MPDZ: variants seen among roughly 807,000 people sequenced by gnomAD.
MPDZ encodes the protein multiple PDZ domain crumbs cell polarity complex component, also known as multiple PDZ domain protein.
In MPDZ, 234 loss-of-function variants were observed where a neutral mutation model predicts 239.1. That is an observed-to-expected ratio of 0.98 (90% CI 0.88 to 1.09). The LOEUF (loss-of-function observed/expected upper bound fraction) is 1.09, where lower values mean the gene tolerates loss of function less well. MPDZ is among the 50% of genes least tolerant of loss of function. The pLI is 0.00. For missense variants in MPDZ, 3,175 were observed against 2,510.0 expected, an observed-to-expected ratio of 1.26 and a Z score of -5.66; for synonymous variants, 1,048 against 881.3, an observed-to-expected ratio of 1.19 and a Z score of -3.35.
At chr9:13,257,001 G>A (rs1285795720) in intron 1 of MPDZ, among the ~76,000 whole-genome samples, 3 of 152,140 alleles carry the variant, frequency 2.0e-5, no homozygotes, top group Non-Finnish European at 2.9e-5. Context: ...TCTACTGGGG[G>A]TCTTGGAATG....
In MPDZ at chr9:13,221,243, C is replaced by T. The variant is rs184111528; in HGVS notation, c.876+129G>A. 5.3e-5 allele frequency: 54 copies of T among 1,025,566 alleles called. No individual in the cohort carries two copies. In the African/African-American group the frequency reaches 5.5e-4, roughly 10 times the overall value. The allele number at this position is 1,025,566 out of a possible 1,614,324, so 63.5% of individuals were successfully genotyped here. On this transcript the variant is annotated intron_variant, in intron 7 of 46. Transcript: ENST00000319217. ...AACATTTTAGGGACACTCAATAAAA[C>T]GAAAGATTCTAACTCAATTTCTTTG...
intron 26 of MPDZ, among the ~76,000 whole-genome samples, chr9:13,144,854 C>A (rs1948220471): frequency 6.6e-6 from 1 of 152,032 alleles, no homozygotes; most frequent in Non-Finnish European, 1.5e-5. Flanking sequence ...AATACCAAGG[C>A]ACATGACCAT....
At chr9:13,189,614 C>T (rs559734386) in intron 16 of MPDZ, among the ~76,000 whole-genome samples, 2 of 152,250 alleles carry the variant, frequency 1.3e-5, no homozygotes, top group South Asian at 4.1e-4. Context: ...ATCAGACAGG[C>T]TTTACCATCT....
At chr9:13,182,363 ATC>A (rs1953461495) in intron 19 of MPDZ, among the ~76,000 whole-genome samples, 1 of 152,090 alleles carries the variant, frequency 6.6e-6, no homozygotes. Context: ...ATTTTCATCA[ATC>A]TCTCTTTCCT....
At position 13,125,401 on chromosome 9, in the gene MPDZ, G is replaced by GT. The variant is rs752435715; in HGVS notation, c.4633-12dup. 1.9e-5 allele frequency: 31 copies of GT among 1,610,594 alleles called. No homozygotes were observed. The highest frequency in any genetic ancestry group is 4.0e-5 in the African/African-American group (3 of 74,870). ...CAGAAGGCTAATAAACTGGCAGGGT[G>GT]TATGTGTGGAAGAGAAACAAAATTC... On this transcript the variant is annotated splice_polypyrimidine_tract_variant and intron_variant, in intron 34 of 46. Transcript: ENST00000319217.
At chr9:13,246,981 T>C (rs1390774563) in intron 3 of MPDZ, among the ~76,000 whole-genome samples, 2 of 152,252 alleles carry the variant, frequency 1.3e-5, no homozygotes, top group African/African-American at 4.8e-5. Flanking sequence ...CATTCTGTCA[T>C]TGTGAAATGT....
chr9:13,244,175 A>C (rs2137537335), intron 3 of MPDZ, among the ~76,000 whole-genome samples: 1 of 152,326 alleles, frequency 6.6e-6, no homozygotes, highest in East Asian at 1.9e-4. Flanking sequence ...CAACGCAATT[A>C]ATTAATCAAG....
At chr9:13,129,619 A>G (rs1462366172) in intron 32 of MPDZ, among the ~76,000 whole-genome samples, 1 of 152,218 alleles carries the variant, frequency 6.6e-6, no homozygotes, top group Non-Finnish European at 1.5e-5. Context: ...TATAGTCCTT[A>G]GCAAGAAGAG....
At chr9:13,265,611 A>G (rs16930206) in intron 1 of MPDZ, among the ~76,000 whole-genome samples, 26,476 of 152,206 alleles carry the variant, frequency 0.17, 2,500 homozygotes, top group African/African-American at 0.21. Flanking sequence ...ACTCAAAAGC[A>G]TACCCATGGG....
chr9:13,115,263 T>G lies in MPDZ; in HGVS notation c.5451A>C (p.Pro1817=). 2 of 1,612,618 alleles carry G rather than the reference T, an allele frequency of 1.2e-6. No individual in the cohort carries two copies. The highest frequency in any genetic ancestry group is 1.7e-6 in the Non-Finnish European group (2 of 1,179,772). ...KAGPFHSERR[P]SQSSQVSEGS... is the part of the protein sequence containing the mutation. Reference sequence around the variant, plus strand: ...AGCTACCCACCTGGCTGCTTTGAGATGGCCTCCTCTCTGAATGGAATGGAC... The same window carrying G: ...AGCTACCCACCTGGCTGCTTTGAGAGGGCCTCCTCTCTGAATGGAATGGAC... The change falls in exon 40 of 47, where the codon CCA becomes CCC. Residue 1817 remains proline, a synonymous_variant. Coordinates refer to ENST00000319217, the MANE Select transcript of MPDZ (RefSeq NM_001378778.1).
chr9:13,119,340 C>A (rs1196539905), intron 39 of MPDZ, among the ~76,000 whole-genome samples, 162 bp downstream of exon 39: 1 of 152,172 alleles, frequency 6.6e-6, no homozygotes. Flanking sequence ...CTGCCATGGC[C>A]TCCCAAAATG....
chr9:13,199,092 T>C (rs940887726), intron 12 of MPDZ, among the ~76,000 whole-genome samples: 1 of 151,972 alleles, frequency 6.6e-6, no homozygotes, highest in Admixed American at 6.6e-5. Context: ...TATATAGATA[T>C]CTTTTGGTAG....
chr9:13,168,813 T>A lies in MPDZ; in HGVS notation c.3056-249A>T, dbSNP rs78185602. ...ACAGATCTACATTGTGGAATGAATGTAATTTAGACCATGTGATGTGCTGAC... is the reference window on the plus strand; with the variant it reads ...ACAGATCTACATTGTGGAATGAATGAAATTTAGACCATGTGATGTGCTGAC... On this transcript the variant is annotated intron_variant, in intron 21 of 46. Coordinates refer to ENST00000319217, the MANE Select transcript of MPDZ (RefSeq NM_001378778.1). Among the ~76,000 whole-genome samples, 1,466 of 152,282 alleles carry A rather than the reference T, an allele frequency of 9.6e-3. 32 individuals carry two copies. Among genetic ancestry groups the A allele is most frequent in the African/African-American group, 0.033 (1,389 of 41,558 alleles).
intron 25 of MPDZ, 126 bp downstream of exon 25, chr9:13,150,385 G>A (rs1225980226): frequency 1.8e-6 from 1 of 558,936 alleles, no homozygotes; most frequent in Non-Finnish European, 2.7e-6. Context: ...GGTACAAAGG[G>A]TGGAGCAGGT....
chr9:13,207,087 T>C (rs1957087065), intron 10 of MPDZ, among the ~76,000 whole-genome samples: 1 of 152,186 alleles, frequency 6.6e-6, no homozygotes, highest in Non-Finnish European at 1.5e-5. Context: ...CAGTGATAAA[T>C]GTGCTCACTG....
rs57261600 is a variant in MPDZ at position 13,141,097 on chromosome 9, G to GA, written c.3841-949dup. Among the ~76,000 whole-genome samples, 350 of 130,038 alleles carry GA rather than the reference G, an allele frequency of 2.7e-3. 1 individual carries two copies. The highest frequency in any genetic ancestry group is 8.8e-3 in the Middle Eastern group (2 of 228). 85.3% of individuals were successfully genotyped at this position (130,038 alleles called of 152,430 possible). ...CACTTAGGGTCATAGGTCCTATTTC[G>GA]AAAAAAAAAAAAAAAAGTACTTGGC... On this transcript the variant is annotated intron_variant, in intron 27 of 46. Transcript: ENST00000319217.
chr9:13,272,846 T>G (rs1973318007), intron 1 of MPDZ, among the ~76,000 whole-genome samples: 1 of 152,010 alleles, frequency 6.6e-6, no homozygotes, highest in African/African-American at 2.4e-5. Flanking sequence ...TTTATGAAAT[T>G]TACCCAGTAA....
At chr9:13,251,315 C>T (rs1264553594) in intron 1 of MPDZ, among the ~76,000 whole-genome samples, 1 of 152,112 alleles carries the variant, frequency 6.6e-6, no homozygotes, top group Non-Finnish European at 1.5e-5. Context: ...ATGTTCTCCT[C>T]TTTCCCATTC....
At position 13,205,930 on chromosome 9, in the gene MPDZ, G is replaced by C. The variant is rs778143083; in HGVS notation, c.1460C>G (p.Ala487Gly). 4 of 1,600,342 alleles carry C rather than the reference G, an allele frequency of 2.5e-6. No homozygotes were observed. The highest frequency in any genetic ancestry group is 3.4e-5 in the Admixed American group (2 of 58,128). Residue 487 changes from alanine (A) to glycine (G), a missense_variant, in exon 11 of 47, where the codon GCC (alanine) becomes GGC (glycine). Coordinates refer to ENST00000319217, the MANE Select transcript of MPDZ (RefSeq NM_001378778.1). ...TKDADLSPVN[A>G]SIIKENYEKD... is the part of the protein sequence containing the mutation. ...CATAGGATTACCTTTGATTATGCTG[G>C]CATTAACAGGAGACAAATCTGCATC...
Sources: allele counts gnomAD v4.1 joint callset (sites outside exome capture counted in the v4.1 genomes callset), GRCh38; gene constraint gnomAD v4.1.1; transcripts MANE v1.5; gene names NCBI Gene and HGNC (gene_info 2026-07-23, HGNC 2026-07-21).